GLRA3: variants seen among roughly 807,000 people sequenced by gnomAD.
GLRA3 encodes glycine receptor subunit alpha-3.
Under a neutral mutation model 60.4 loss-of-function variants are expected in GLRA3, and 44 were observed. The ratio of observed to expected loss-of-function variants is 0.73; its 90% CI spans 0.57 to 0.94. The LOEUF (loss-of-function observed/expected upper bound fraction) is 0.94. Ranked by LOEUF, GLRA3 falls within the 40% of genes least tolerant of loss-of-function variation. The probability of loss-of-function intolerance (pLI) is 0.00; values close to 1 mark genes in which losing one functional copy is unlikely to be tolerated. For missense variants in GLRA3, 508 were observed against 564.6 expected, an observed-to-expected ratio of 0.90 and a Z score of 1.02; for synonymous variants, 223 against 192.9, an observed-to-expected ratio of 1.16 and a Z score of -1.29.
Position 174,766,978 on chromosome 4 carries a change from G to A in GLRA3, c.252C>T (p.Ile84=), listed in dbSNP as rs774375553. ...CNIFINSFGS[I]AETTMDYRVN... ...AAATGCCTACCATGGTCGTCTCTGC[G>A]ATAGAGCCAAAGCTGTTGATGAATA... Residue 84 remains isoleucine, a synonymous_variant, in exon 3 of 10, where the codon ATC becomes ATT. Transcript: ENST00000274093. 4.4e-6 allele frequency: 7 copies of A among 1,586,402 alleles called. No individual in the cohort carries two copies. The highest frequency in any genetic ancestry group is 2.3e-5 in the East Asian group (1 of 44,144).
intron 7 of GLRA3, among the ~76,000 whole-genome samples, chr4:174,662,310 T>A (rs1214302346): frequency 1.3e-5 from 2 of 152,196 alleles, no homozygotes; most frequent in Non-Finnish European, 2.9e-5. Context: ...TGTTTTTCCA[T>A]CTTTCATTGG....
chr4:174,767,674 T>C (rs1174208723), intron 2 of GLRA3, among the ~76,000 whole-genome samples: 1 of 152,090 alleles, frequency 6.6e-6, no homozygotes, highest in African/African-American at 2.4e-5. Flanking sequence ...CTTCCACTCT[T>C]GCCAAGGGTC....
intron 7 of GLRA3, among the ~76,000 whole-genome samples, chr4:174,661,177 A>T (rs899209065): frequency 6.6e-6 from 1 of 152,032 alleles, no homozygotes; most frequent in Non-Finnish European, 1.5e-5. Flanking sequence ...ACACACACAC[A>T]CATATTCACA....
At chr4:174,796,712 C>T (rs956530176) in intron 1 of GLRA3, among the ~76,000 whole-genome samples, 1 of 151,804 alleles carries the variant, frequency 6.6e-6, no homozygotes, top group Non-Finnish European at 1.5e-5. Context: ...AATTTTTGTA[C>T]TTTCAGCAGA....
intron 1 of GLRA3, among the ~76,000 whole-genome samples, chr4:174,798,837 C>T (rs944917665): frequency 6.6e-6 from 1 of 151,936 alleles, no homozygotes; most frequent in Admixed American, 6.6e-5. Context: ...GGCAGAATGC[C>T]GTGAACCCGG....
chr4:174,753,672 A>C (rs1208448602), intron 3 of GLRA3, among the ~76,000 whole-genome samples: 1 of 152,174 alleles, frequency 6.6e-6, no homozygotes, highest in Non-Finnish European at 1.5e-5. Context: ...GAAGTGTTTA[A>C]TTGATCTCTA....
intron 3 of GLRA3, among the ~76,000 whole-genome samples, chr4:174,763,422 A>C (rs146044112): frequency 1.3e-5 from 2 of 152,288 alleles, no homozygotes; most frequent in Non-Finnish European, 2.9e-5. Flanking sequence ...ATTTTACAAA[A>C]CTTTTCTCTT....
intron 5 of GLRA3, among the ~76,000 whole-genome samples, chr4:174,711,445 A>ATT (rs1161026635): frequency 1.7e-4 from 24 of 142,792 alleles, no homozygotes; most frequent in African/African-American, 5.8e-4. Flanking sequence ...ATATATATAT[A>ATT]TTTTTTTTTT....
At chr4:174,741,512 G>GT (rs1306678425) in intron 3 of GLRA3, among the ~76,000 whole-genome samples, 1 of 151,900 alleles carries the variant, frequency 6.6e-6, no homozygotes, top group Non-Finnish European at 1.5e-5. Flanking sequence ...TGGCAAACTT[G>GT]TTTTTTCACA....
At chr4:174,722,154 A>G (rs1473730064) in intron 4 of GLRA3, among the ~76,000 whole-genome samples, 1 of 152,152 alleles carries the variant, frequency 6.6e-6, no homozygotes, top group Admixed American at 6.6e-5. Flanking sequence ...TAGGGCCAGC[A>G]AGGGGTCCTG....
chr4:174,653,535 T>C (rs1733093724), intron 9 of GLRA3, among the ~76,000 whole-genome samples: 1 of 151,972 alleles, frequency 6.6e-6, no homozygotes, highest in African/African-American at 2.4e-5. Flanking sequence ...ACACTTGGCA[T>C]ATTAAACTTA....
chr4:174,783,333 GACTT>G (rs1264991440), intron 2 of GLRA3, among the ~76,000 whole-genome samples: 3 of 137,702 alleles, frequency 2.2e-5, no homozygotes, highest in Admixed American at 1.4e-4. Flanking sequence ...ATGGATTAAA[GACTT>G]ACATGTTAGA....
intron 3 of GLRA3, among the ~76,000 whole-genome samples, chr4:174,734,989 A>G (rs545978165): frequency 6.6e-6 from 1 of 152,292 alleles, no homozygotes; most frequent in South Asian, 2.1e-4. Context: ...CTGTCAATGA[A>G]AAATAGTAAT....
At chr4:174,816,038 G>C (rs1740488138) in intron 1 of GLRA3, among the ~76,000 whole-genome samples, 1 of 152,120 alleles carries the variant, frequency 6.6e-6, no homozygotes. Flanking sequence ...ATGAGATTTG[G>C]GTAGGGACAC....
chr4:174,802,375 G>A (rs1410250148), intron 1 of GLRA3, among the ~76,000 whole-genome samples: 2 of 151,890 alleles, frequency 1.3e-5, no homozygotes, highest in Non-Finnish European at 2.9e-5. Context: ...TAGTATCAAG[G>A]AACTGAAATG....
At chr4:174,790,838 A>AAAG (rs1439965412) in intron 1 of GLRA3, among the ~76,000 whole-genome samples, 2 of 147,856 alleles carry the variant, frequency 1.4e-5, no homozygotes, top group African/African-American at 5.0e-5. Flanking sequence ...AAAAAAAAAA[A>AAAG]AAAAAAAAGA....
chr4:174,817,201 A>G (rs1740540562), intron 1 of GLRA3, among the ~76,000 whole-genome samples: 1 of 152,190 alleles, frequency 6.6e-6, no homozygotes, highest in Non-Finnish European at 1.5e-5. Context: ...AATCTTTAAC[A>G]TCTTGGAAGT....
At chr4:174,704,149 G>T (rs1735429734) in intron 5 of GLRA3, among the ~76,000 whole-genome samples, 1 of 142,520 alleles carries the variant, frequency 7.0e-6, no homozygotes, top group African/African-American at 2.5e-5. Flanking sequence ...ACAAAAATTA[G>T]CCAGATGTAG....
At chr4:174,814,657 G>A (rs778970569) in intron 1 of GLRA3, among the ~76,000 whole-genome samples, 1 of 152,194 alleles carries the variant, frequency 6.6e-6, no homozygotes, top group Non-Finnish European at 1.5e-5. Context: ...TACATAGATT[G>A]CAGCAGACAA....
Sources: gnomAD v4.1 joint callset for allele counts (sites outside exome capture counted in the v4.1 genomes callset) on GRCh38, gnomAD v4.1.1 for gene constraint, MANE v1.5 for transcripts, NCBI Gene and HGNC (gene_info 2026-07-23, HGNC 2026-07-21) for gene names.